Variants in KCNH5 observed in about 807,000 individuals in gnomAD.
The protein encoded by KCNH5 is voltage-gated delayed rectifier potassium channel KCNH5.
A neutral mutation model predicts 96.1 loss-of-function variants in KCNH5; 46 were observed. The ratio of observed to expected loss-of-function variants is 0.48; its 90% CI spans 0.38 to 0.61. KCNH5 has a LOEUF of 0.61. KCNH5 is among the 20% of genes least tolerant of loss of function. KCNH5 has a pLI of 0.00. For synonymous variants in KCNH5, 439 were observed against 449.8 expected (o/e 0.98, Z 0.30); for missense variants, 907 against 1,225.8 (o/e 0.74, Z 3.88).
chr14:62,921,822 C>T (rs1889386164), intron 7 of KCNH5, among the ~76,000 whole-genome samples: 1 of 152,096 alleles, frequency 6.6e-6, no homozygotes, highest in South Asian at 2.1e-4. Context: ...TTTTATCTAA[C>T]AGCCTTGTGG....
At chr14:62,843,922 TA>T (rs933432000) in intron 8 of KCNH5, among the ~76,000 whole-genome samples, 1 of 152,088 alleles carries the variant, frequency 6.6e-6, no homozygotes, top group Non-Finnish European at 1.5e-5. Flanking sequence ...TTTCCCAAAT[TA>T]AAAAAATATA....
intron 7 of KCNH5, among the ~76,000 whole-genome samples, chr14:62,896,486 T>C (rs1225677872): frequency 6.6e-6 from 1 of 152,178 alleles, no homozygotes; most frequent in Non-Finnish European, 1.5e-5. Flanking sequence ...ACCTTCCTCT[T>C]ACCATGAGGA....
At chr14:62,723,889 CTAAG>C (rs1884867755) in intron 10 of KCNH5, among the ~76,000 whole-genome samples, 1 of 152,168 alleles carries the variant, frequency 6.6e-6, no homozygotes, top group Non-Finnish European at 1.5e-5. Flanking sequence ...AATGGGGTCT[CTAAG>C]TATTTGTTGG....
intron 8 of KCNH5, among the ~76,000 whole-genome samples, chr14:62,827,049 T>C (rs1001902986): frequency 1.3e-5 from 2 of 152,098 alleles, no homozygotes; most frequent in African/African-American, 4.8e-5. Flanking sequence ...TCTTCTATTA[T>C]GTAAGGAGCA....
chr14:62,755,005 A>C (rs1274238999), intron 10 of KCNH5, among the ~76,000 whole-genome samples: 2 of 116,664 alleles, frequency 1.7e-5, no homozygotes, highest in East Asian at 5.5e-4. Context: ...TCAAAAAAGA[A>C]GGCAAGCTTC....
intron 1 of KCNH5, among the ~76,000 whole-genome samples, chr14:63,034,489 C>G (rs1463862159): frequency 3.9e-4 from 59 of 152,180 alleles, no homozygotes; most frequent in Admixed American, 3.9e-3. Context: ...TATCCTACAA[C>G]AATCCTCTAG....
Position 62,950,079 on chromosome 14 carries a change from G to A in KCNH5, c.1369+54C>T. 2.0e-6 allele frequency: 3 copies of A among 1,490,818 alleles called. No homozygotes were observed. The South Asian group carries it at 3.4e-5, about 17-fold the overall frequency. 92.3% of individuals were successfully genotyped at this position (1,490,818 alleles called of 1,614,324 possible). A position where few individuals can be genotyped will look rare whatever the true frequency, so the allele number is the denominator to read the frequency against. On this transcript the variant is annotated intron_variant, in intron 7 of 10. Coordinates refer to ENST00000322893, the MANE Select transcript of KCNH5 (RefSeq NM_139318.5). ...CGTTTTCATCCTATCTGAGATTGTA[G>A]CCAGGAAAATTGCCAATAACAATAA...
At chr14:62,728,150 G>A (rs1407035735) in intron 10 of KCNH5, among the ~76,000 whole-genome samples, 1 of 151,558 alleles carries the variant, frequency 6.6e-6, no homozygotes, top group African/African-American at 2.4e-5. Context: ...GGAGGCTGAG[G>A]CGGGCAGATC....
At chr14:62,852,294 C>T (rs963797905) in intron 7 of KCNH5, among the ~76,000 whole-genome samples, 10 of 152,244 alleles carry the variant, frequency 6.6e-5, no homozygotes, top group African/African-American at 2.4e-4. Context: ...TATTTTTGTA[C>T]CCATTAACCA....
Position 62,700,246 on chromosome 14 carries a change from C to G in KCNH5, c.*7262G>C, listed in dbSNP as rs1362184684. 1 of 152,148 alleles carries G rather than the reference C, an allele frequency of 6.6e-6. No homozygotes were observed. The highest frequency in any genetic ancestry group is 2.4e-5 in the African/African-American group (1 of 41,444). 9.4% of individuals were successfully genotyped at this position (152,148 alleles called of 1,614,324 possible). A position where few individuals can be genotyped will look rare whatever the true frequency, so the allele number is the denominator to read the frequency against. The stretch of plus-strand genomic sequence containing the variant: ...TACCAAGCACTTCTAAAAGTCATTG[C>G]TCTTTCAACAAACTACAATGGATGT... On this transcript the variant is annotated 3_prime_UTR_variant, in exon 11 of 11. Transcript: ENST00000322893.
intron 10 of KCNH5, among the ~76,000 whole-genome samples, chr14:62,740,128 G>A (rs565206500): frequency 1.8e-4 from 27 of 152,284 alleles, no homozygotes; most frequent in Non-Finnish European, 3.7e-4. Flanking sequence ...CAAAGGTCAA[G>A]TAGGAGTCCC....
intron 2 of KCNH5, among the ~76,000 whole-genome samples, chr14:63,010,408 C>G (rs1891203181): frequency 6.6e-6 from 1 of 152,132 alleles, no homozygotes; most frequent in South Asian, 2.1e-4. Context: ...CTAGCTTCTC[C>G]AGGATTCTCC....
chr14:62,853,494 A>ATATATATATATG (rs375695583), intron 7 of KCNH5, among the ~76,000 whole-genome samples: 47 of 102,116 alleles, frequency 4.6e-4, no homozygotes, highest in African/African-American at 1.6e-3. Flanking sequence ...ATATATATAT[A>ATATATATATATG]ATCTTGGCCA....
At chr14:62,970,287 A>G (rs1890382387) in intron 6 of KCNH5, among the ~76,000 whole-genome samples, 1 of 152,112 alleles carries the variant, frequency 6.6e-6, no homozygotes, top group Non-Finnish European at 1.5e-5. Flanking sequence ...AGACCCACAC[A>G]AGAAAAAAAA....
At chr14:62,976,389 C>T (rs550930395) in intron 6 of KCNH5, among the ~76,000 whole-genome samples, 4 of 131,022 alleles carry the variant, frequency 3.1e-5, no homozygotes, top group South Asian at 2.3e-4. Context: ...GGTGACAGAG[C>T]GAGACTCCAT....
chr14:62,961,881 AGGAGAT>A (rs148381445), intron 6 of KCNH5, among the ~76,000 whole-genome samples: 1 of 149,524 alleles, frequency 6.7e-6, no homozygotes, highest in South Asian at 2.1e-4. Flanking sequence ...CAAATGCAGA[AGGAGAT>A]GGAGATGGAG....
intron 7 of KCNH5, among the ~76,000 whole-genome samples, chr14:62,857,444 A>C (rs1430148078): frequency 3.3e-5 from 5 of 152,176 alleles, no homozygotes; most frequent in African/African-American, 2.4e-5. Context: ...AACTAATAGG[A>C]TATATCTTCA....
At chr14:62,861,659 C>A (rs1233699565) in intron 7 of KCNH5, among the ~76,000 whole-genome samples, 2 of 151,090 alleles carry the variant, frequency 1.3e-5, no homozygotes, top group African/African-American at 2.5e-5. Context: ...CACACACACA[C>A]ACACACACAC....
chr14:62,747,207 C>T (rs1885396897), intron 10 of KCNH5, among the ~76,000 whole-genome samples: 3 of 152,126 alleles, frequency 2.0e-5, no homozygotes, highest in African/African-American at 7.2e-5. Flanking sequence ...TGGTGGTGCC[C>T]ACCTGTAATC....
Sources: allele counts gnomAD v4.1 joint callset (sites outside exome capture counted in the v4.1 genomes callset), GRCh38; gene constraint gnomAD v4.1.1; transcripts MANE v1.5; gene names NCBI Gene and HGNC (gene_info 2026-07-23, HGNC 2026-07-21).